The following FAAH2 variants were observed in gnomAD, a reference collection of about 807,000 sequenced individuals.
FAAH2 encodes the protein fatty-acid amide hydrolase 2.
A neutral mutation model predicts 36.9 loss-of-function variants in FAAH2; 60 were observed. The ratio of observed to expected loss-of-function variants is 1.63; its 90% CI spans 1.32 to 2.02. The LOEUF is 2.02. Among genes scored for constraint, FAAH2 ranks in the 30% most tolerant of loss-of-function variants. The probability of loss-of-function intolerance (pLI) is 0.00; values close to 1 mark genes in which losing one functional copy is unlikely to be tolerated. For synonymous variants in FAAH2, 214 were observed against 143.8 expected, an observed-to-expected ratio of 1.49 and a Z score of -3.49; for missense variants, 689 against 397.5, an observed-to-expected ratio of 1.73 and a Z score of -6.23.
chrX:57,476,664 C>T (rs1441265409), intron 10 of FAAH2, among the ~76,000 whole-genome samples: 2 of 111,047 alleles, frequency 1.8e-5, no homozygotes, highest in African/African-American at 6.6e-5. Flanking sequence ...TGTTGTGTCT[C>T]TTCCAGGTTT....
chrX:57,331,135 A>T (rs1001043847), intron 3 of FAAH2, among the ~76,000 whole-genome samples: 2 of 111,664 alleles, frequency 1.8e-5, no homozygotes, highest in Admixed American at 1.9e-4. Context: ...GCTCCTCCAG[A>T]TGTTCTGGCA....
intron 7 of FAAH2, among the ~76,000 whole-genome samples, chrX:57,383,095 A>G (rs890856831): frequency 3.6e-5 from 4 of 111,885 alleles, no homozygotes; most frequent in Non-Finnish European, 7.5e-5. Flanking sequence ...ATCTCAATAG[A>G]TGCAGAAAAG....
chrX:57,304,197 AC>A (rs1268690257), intron 2 of FAAH2, among the ~76,000 whole-genome samples: 1 of 112,020 alleles, frequency 8.9e-6, no homozygotes, highest in African/African-American at 3.2e-5. Flanking sequence ...ACAGAGAGAG[AC>A]TGTCTCAAAA....
chrX:57,302,376 G>T (rs2052398206), intron 2 of FAAH2, among the ~76,000 whole-genome samples: 1 of 111,725 alleles, frequency 9.0e-6, no homozygotes. Context: ...TCCCACAAAT[G>T]GTTATTGAAT....
the FAAH2 span, among the ~76,000 whole-genome samples, chrX:57,276,944 A>G: frequency 1.3e-3 from 143 of 111,741 alleles, no homozygotes; most frequent in African/African-American, 4.6e-3. Flanking sequence ...TAGTTTACCA[A>G]CCAAAAAAAG....
chrX:57,151,803 A>T, the FAAH2 span, among the ~76,000 whole-genome samples: 1 of 111,417 alleles, frequency 9.0e-6, no homozygotes, highest in East Asian at 2.8e-4. Context: ...GCTGGTGAGG[A>T]GCTGCATTCC....
chrX:57,153,035 T>C, the FAAH2 span, among the ~76,000 whole-genome samples: 4 of 111,740 alleles, frequency 3.6e-5, no homozygotes, highest in Non-Finnish European at 5.6e-5. Context: ...GTTTTATAAA[T>C]GTGGAAGATC....
chrX:57,176,055 G>A, the FAAH2 span, among the ~76,000 whole-genome samples: 19 of 111,208 alleles, frequency 1.7e-4, no homozygotes, highest in Non-Finnish European at 1.5e-4. Context: ...GTGCTTTGGT[G>A]ATGTCCTTTT....
At chrX:57,198,917 C>T in the FAAH2 span, among the ~76,000 whole-genome samples, 10 of 112,305 alleles carry the variant, frequency 8.9e-5, no homozygotes, top group Non-Finnish European at 1.9e-4. Context: ...AGACGTTCCC[C>T]CTCTCACACT....
At chrX:57,477,769 T>G (rs1189165498) in intron 10 of FAAH2, among the ~76,000 whole-genome samples, 2 of 110,491 alleles carry the variant, frequency 1.8e-5, no homozygotes, top group Non-Finnish European at 3.8e-5. Context: ...AATAGTTTGT[T>G]GAGAATGATG....
the FAAH2 span, among the ~76,000 whole-genome samples, chrX:57,232,961 A>G: frequency 1.8e-5 from 2 of 112,502 alleles, no homozygotes; most frequent in African/African-American, 6.5e-5. Flanking sequence ...GTTAATAAAC[A>G]AAAACATCAC....
At chrX:57,210,599 C>A in the FAAH2 span, among the ~76,000 whole-genome samples, 1 of 112,312 alleles carries the variant, frequency 8.9e-6, no homozygotes, top group Middle Eastern at 4.6e-3. Flanking sequence ...TAGAAGGGAT[C>A]TTACTCAACC....
At chrX:57,196,482 A>G in the FAAH2 span, among the ~76,000 whole-genome samples, 1 of 111,271 alleles carries the variant, frequency 9.0e-6, no homozygotes, top group African/African-American at 3.3e-5. Context: ...AGGGTTTTCT[A>G]GGTATACAAT....
the FAAH2 span, among the ~76,000 whole-genome samples, chrX:57,245,489 C>T: frequency 8.9e-6 from 1 of 111,786 alleles, no homozygotes; most frequent in Non-Finnish European, 1.9e-5. Context: ...GTAAAACACT[C>T]CTCAGGAAAT....
chrX:57,229,480 A>G, the FAAH2 span: 2 of 111,334 alleles, frequency 1.8e-5, no homozygotes, highest in Non-Finnish European at 3.8e-5. Context: ...CCACGTTGCT[A>G]TTCAGGGATT....
At chrX:57,263,564 A>G in the FAAH2 span, among the ~76,000 whole-genome samples, 22 of 112,195 alleles carry the variant, frequency 2.0e-4, no homozygotes, top group African/African-American at 6.8e-4. Flanking sequence ...AAACTTTTGC[A>G]AGATTTTTTA....
the FAAH2 span, chrX:57,126,876 C>A: frequency 4.5e-5 from 5 of 111,232 alleles, no homozygotes; most frequent in Admixed American, 4.8e-4. Flanking sequence ...GTTACCTTTT[C>A]TTTTTTAGGA....
intron 7 of FAAH2, among the ~76,000 whole-genome samples, chrX:57,421,179 C>A (rs1295393097): frequency 1.8e-5 from 2 of 112,206 alleles, no homozygotes; most frequent in Non-Finnish European, 3.8e-5. Flanking sequence ...GGTGAAGTGG[C>A]CCACACCTTT....
At chrX:57,427,711 T>C (rs954505568) in intron 7 of FAAH2, among the ~76,000 whole-genome samples, 1 of 111,701 alleles carries the variant, frequency 9.0e-6, no homozygotes, top group Non-Finnish European at 1.9e-5. Context: ...CATAACTTTA[T>C]TATAAAAACT....
Sources: allele counts gnomAD v4.1 joint callset (sites outside exome capture counted in the v4.1 genomes callset), GRCh38; gene constraint gnomAD v4.1.1; transcripts MANE v1.5; gene names NCBI Gene and HGNC (gene_info 2026-07-23, HGNC 2026-07-21).